The following MED17 variants were observed in gnomAD, a reference collection of about 807,000 sequenced individuals.
MED17 encodes mediator of RNA polymerase II transcription subunit 17.
In MED17, 49 loss-of-function variants were observed where a neutral mutation model predicts 80.8. The observed-to-expected ratio is 0.61, with a 90% CI of 0.48 to 0.77. The LOEUF (loss-of-function observed/expected upper bound fraction) is 0.77, where lower values mean the gene tolerates loss of function less well. Among genes scored for constraint, MED17 ranks in the 30% least tolerant of loss-of-function variants. The pLI is 0.00. For missense variants in MED17, 718 were observed against 787.0 expected, an observed-to-expected ratio of 0.91 and a Z score of 1.05; for synonymous variants, 281 against 280.4, an observed-to-expected ratio of 1.00 and a Z score of -0.02.
chr11:93,796,937 G>T, intron 7 of MED17: 1 of 236,994 alleles, frequency 4.2e-6, no homozygotes, highest in Non-Finnish European at 8.4e-6. Context: ...CACAGGCCAG[G>T]GTAATTTCAA....
chr11:93,803,999 G>GTATA (rs1166820708), intron 9 of MED17, among the ~76,000 whole-genome samples: 3,593 of 25,086 alleles, frequency 0.14, 56 homozygotes, highest in Non-Finnish European at 0.21. Context: ...ATATGTGTGT[G>GTATA]TATATATATA....
chr11:93,807,672 C>T lies in MED17; in HGVS notation c.1584+37C>T, dbSNP rs549449859. 70 of 1,135,572 alleles carry T rather than the reference C, an allele frequency of 6.2e-5. 1 individual carries two copies. The highest frequency in any genetic ancestry group is 5.8e-4 in the South Asian group (47 of 81,604). 70.3% of individuals were successfully genotyped at this position (1,135,572 alleles called of 1,614,324 possible). A position where few individuals can be genotyped will look rare whatever the true frequency, so the allele number is the denominator to read the frequency against. ...AGATTTTGTCTTAAGCCCCCTTCTT[C>T]GCATAGCTACTTAAAGAACAAATTG... On this transcript the variant is annotated intron_variant, in intron 10 of 11. Coordinates refer to ENST00000251871, the MANE Select transcript of MED17 (RefSeq NM_004268.5).
chr11:93,795,949 G>GTT (rs879690032), intron 6 of MED17: 117 of 152,654 alleles, frequency 7.7e-4, no homozygotes, highest in Admixed American at 1.6e-3. Flanking sequence ...TTCATGAATA[G>GTT]TTTTTTTTTT....
intron 6 of MED17, 46 bp downstream of exon 6, chr11:93,795,106 T>G (rs1364570463): frequency 1.2e-6 from 2 of 1,604,160 alleles, no homozygotes; most frequent in East Asian, 4.5e-5. Flanking sequence ...CTTTGTGTTT[T>G]GGGGGACTAG....
At position 93,790,836 on chromosome 11, in the gene MED17, G is replaced by T. The variant is rs777501533; in HGVS notation, c.637+43G>T. On this transcript the variant is annotated intron_variant, in intron 3 of 11. Transcript: ENST00000251871. ...AAACTATACTTTCTGGCCAGGTGTG[G>T]TGGCTCATGCGTGTAATCCTAGCAC... 9.7e-6 allele frequency: 15 copies of T among 1,545,282 alleles called. 1 individual carries two copies. In the Middle Eastern group the frequency reaches 1.7e-3, roughly 173 times the overall value.
chr11:93,807,604 A>ATT lies in MED17; in HGVS notation c.1553_1554insTT (p.Glu518AspfsTer33). 6.2e-7 allele frequency: 1 copy of ATT among 1,612,164 alleles called. No individual in the cohort carries two copies. ...AGAGTAATTACACTGTCTTATCAGG[A>ATT]GCAGGAGCTACAGGATTTTCTTCTG... On this transcript the variant is annotated frameshift_variant, in exon 10 of 12. Coordinates refer to ENST00000251871, the MANE Select transcript of MED17 (RefSeq NM_004268.5). LOFTEE classifies it high-confidence loss of function.
chr11:93,789,868 A>G (rs1943813865), intron 2 of MED17: 1 of 151,150 alleles, frequency 6.6e-6, no homozygotes, highest in Non-Finnish European at 1.5e-5. Context: ...CTGAAGCAGG[A>G]GGATCACTTG....
At position 93,790,585 on chromosome 11, in the gene MED17, G is replaced by A. The variant is rs143585935; in HGVS notation, c.429G>A (p.Thr143=). ...DALPPKQNPQ[T]LQLISKKKSL... ...GTTGTTTTTGACAGAATCCTCAGACGTTGCAATTGATATCTAAAAAGAAGT... is the reference window on the plus strand; with the variant it reads ...GTTGTTTTTGACAGAATCCTCAGACATTGCAATTGATATCTAAAAAGAAGT... Residue 143 remains threonine (T), a synonymous_variant, in exon 3 of 12, where the codon ACG becomes ACA. Transcript: ENST00000251871. 1.7e-4 allele frequency: 274 copies of A among 1,613,920 alleles called. 2 individuals carry two copies. The East Asian group carries it at 5.2e-3, about 31-fold the overall frequency.
chr11:93,784,416 G>A lies in MED17; in HGVS notation c.-98G>A, dbSNP rs1565286641. On this transcript the variant is annotated 5_prime_UTR_variant, in exon 1 of 12. Coordinates refer to ENST00000251871, the MANE Select transcript of MED17 (RefSeq NM_004268.5). ...GGTCTTCTGAGGCACCGCGGCTGCG[G>A]GCTTCTGAGTTCCCGGCTCTCCGCA... The A allele has an allele frequency of 6.9e-7, 1 of 1,458,578 alleles. No homozygotes were observed. Among genetic ancestry groups the A allele is most frequent in the East Asian group, 2.3e-5 (1 of 42,624 alleles). The allele number at this position is 1,458,578 out of a possible 1,614,324, so 90.4% of individuals were successfully genotyped here.
In MED17 at chr11:93,790,783, C is replaced by T. The variant is rs1943826905; in HGVS notation, c.627C>T (p.Tyr209=). 6.2e-6 allele frequency: 10 copies of T among 1,613,568 alleles called. No individual in the cohort carries two copies. The highest frequency in any genetic ancestry group is 7.6e-6 in the Non-Finnish European group (9 of 1,179,608). Residue 209 remains tyrosine (Y), a synonymous_variant, in exon 3 of 12, where the codon TAC becomes TAT. Coordinates refer to ENST00000251871, the MANE Select transcript of MED17 (RefSeq NM_004268.5). Reference sequence around the variant, plus strand: ...ATAAAATTCTCGGAGATCTGAGCTACAGAAGTGCAGGTATGAATAATTATT... The same window carrying T: ...ATAAAATTCTCGGAGATCTGAGCTATAGAAGTGCAGGTATGAATAATTATT... ...VGDKILGDLS[Y]RSAGSLFPHH... is the part of the protein sequence containing the mutation.
intron 6 of MED17, chr11:93,796,073 C>G (rs1943897114): frequency 3.1e-6 from 1 of 324,310 alleles, no homozygotes; most frequent in African/African-American, 2.2e-5. Context: ...CCTCAGCCTC[C>G]CAAGCAGCTG....
chr11:93,794,685 AT>A, intron 5 of MED17: 1 of 583,286 alleles, frequency 1.7e-6, no homozygotes, highest in Admixed American at 3.1e-5. Flanking sequence ...GGAATGAAAG[AT>A]TGGGGTGGTG....
At position 93,802,825 on chromosome 11, in the gene MED17, G is replaced by C. The variant is rs952940064; in HGVS notation, c.1466+853G>C. On this transcript the variant is annotated intron_variant, in intron 9 of 11. Coordinates refer to ENST00000251871, the MANE Select transcript of MED17 (RefSeq NM_004268.5). ...GAGGTAAGATGGTTTTTGTCCCCAG[G>C]CTTCATAGGAATGCAGTCTACTTGA... Among the ~76,000 whole-genome samples the C allele has an allele frequency of 7.2e-5, 11 of 152,076 alleles. 1 individual carries two copies. The highest frequency in any genetic ancestry group is 2.1e-4 in the South Asian group (1 of 4,826).
At chr11:93,784,882 A>G in intron 1 of MED17, 119 bp downstream of exon 1, 2 of 1,383,948 alleles carry the variant, frequency 1.4e-6, no homozygotes, top group South Asian at 1.4e-5. Flanking sequence ...GTGTCCCTCT[A>G]GCGGAAGCGT....
At chr11:93,802,028 T>G in intron 9 of MED17, 56 bp downstream of exon 9, 1 of 1,492,914 alleles carries the variant, frequency 6.7e-7, no homozygotes, top group Non-Finnish European at 9.3e-7. Context: ...TATTGATGTT[T>G]GCTGAGTAAT....
At chr11:93,788,806 G>T (rs996584757) in intron 2 of MED17, 2 of 152,112 alleles carry the variant, frequency 1.3e-5, no homozygotes, top group African/African-American at 4.8e-5. Context: ...TTTGGAATCA[G>T]GTAGACCTGG....
intron 3 of MED17, among the ~76,000 whole-genome samples, chr11:93,792,293 T>C (rs1470054672): frequency 6.6e-6 from 1 of 152,204 alleles, no homozygotes; most frequent in Admixed American, 6.5e-5. Context: ...GCTTCAGCAT[T>C]GATATTAGTT....
intron 1 of MED17, among the ~76,000 whole-genome samples, chr11:93,786,378 C>T (rs1264735286): frequency 6.6e-6 from 1 of 152,102 alleles, no homozygotes; most frequent in Non-Finnish European, 1.5e-5. Context: ...TGTTAATATT[C>T]AGGGTTAGGA....
chr11:93,788,749 G>T (rs1231969936), intron 2 of MED17: 1 of 152,470 alleles, frequency 6.6e-6, no homozygotes, highest in Non-Finnish European at 1.5e-5. Context: ...TATAGCCTGG[G>T]TCCTTGGTCT....
Sources: allele counts gnomAD v4.1 joint callset (sites outside exome capture counted in the v4.1 genomes callset), GRCh38; gene constraint gnomAD v4.1.1; transcripts MANE v1.5; gene names NCBI Gene and HGNC (gene_info 2026-07-23, HGNC 2026-07-21).